The following FASTKD2 variants were observed in gnomAD, a reference collection of about 807,000 sequenced individuals.
FASTKD2 encodes FAST kinase domain-containing protein 2, mitochondrial.
A neutral mutation model predicts 63.6 loss-of-function variants in FASTKD2; 51 were observed. The observed-to-expected ratio is 0.80, with a 90% confidence interval of 0.64 to 1.01. FASTKD2 has a LOEUF of 1.01. Ranked by LOEUF, FASTKD2 falls within the 50% of genes least tolerant of loss-of-function variation. FASTKD2 has a pLI of 0.00. For synonymous variants in FASTKD2, 284 were observed against 293.4 expected (o/e 0.97, Z 0.33); for missense variants, 786 against 831.1 (o/e 0.95, Z 0.67).
At chr2:206,783,879 A>C (rs746817308) in intron 7 of FASTKD2, among the ~76,000 whole-genome samples, 5 of 152,196 alleles carry the variant, frequency 3.3e-5, no homozygotes, top group Non-Finnish European at 5.9e-5. Context: ...GATGGTTTTT[A>C]GTTGCCACAA....
chr2:206,786,995 T>A, intron 8 of FASTKD2, 96 bp downstream of exon 8: 1 of 803,008 alleles, frequency 1.2e-6, no homozygotes, highest in Non-Finnish European at 2.1e-6. Flanking sequence ...GTTGGAGCAG[T>A]GTTAGTTGAA....
At chr2:206,787,809 A>G in intron 8 of FASTKD2, 128 bp from the exon 9 acceptor site, 1 of 403,374 alleles carries the variant, frequency 2.5e-6, no homozygotes. Flanking sequence ...GAAAGAGATA[A>G]TTAGAAATAC....
Position 206,795,099 on chromosome 2 carries a change from C to G in FASTKD2, c.*3297C>G, listed in dbSNP as rs1219321533. 1.3e-5 allele frequency among the ~76,000 whole-genome samples: 2 copies of G among 152,210 alleles called. No homozygotes were observed. Among genetic ancestry groups the G allele is most frequent in the African/African-American group, 2.4e-5 (1 of 41,458 alleles). Reference sequence around the variant, plus strand: ...GCCAGGCAGCAAAGGACAGATCTCTCTCATACTCTTCATTCACAGGGCCTG... The same window carrying G: ...GCCAGGCAGCAAAGGACAGATCTCTGTCATACTCTTCATTCACAGGGCCTG... On this transcript the variant is annotated 3_prime_UTR_variant, in exon 12 of 12. Coordinates refer to ENST00000402774, the MANE Select transcript of FASTKD2 (RefSeq NM_001136193.2).
At position 206,766,323 on chromosome 2, in the gene FASTKD2, C is replaced by A. The variant is rs543583283; in HGVS notation, c.-50-321C>A. Among the ~76,000 whole-genome samples the A allele has an allele frequency of 2.3e-3, 352 of 149,976 alleles. 2 individuals are homozygous for A. The highest frequency in any genetic ancestry group is 8.2e-3 in the African/African-American group (332 of 40,714). On this transcript the variant is annotated intron_variant, in intron 1 of 11. Coordinates refer to ENST00000402774, the MANE Select transcript of FASTKD2 (RefSeq NM_001136193.2). ...AAGAAAATGATCTATCAATGCTAATCCCCTAATTTTCACCGAGGACATTTC... is the reference window on the plus strand; with the variant it reads ...AAGAAAATGATCTATCAATGCTAATACCCTAATTTTCACCGAGGACATTTC...
At chr2:206,765,905 C>T (rs989134802) in intron 1 of FASTKD2, 158 bp downstream of exon 1, 1 of 152,220 alleles carries the variant, frequency 6.6e-6, no homozygotes, top group Non-Finnish European at 1.5e-5. Flanking sequence ...TCTGCTTCTT[C>T]CACTGAGCCG....
At position 206,793,252 on chromosome 2, in the gene FASTKD2, T is replaced by A. The variant is rs201735381; in HGVS notation, c.*1450T>A. Among the ~76,000 whole-genome samples, 16,004 of 84,322 alleles carry A rather than the reference T, an allele frequency of 0.19. 1,179 individuals carry two copies. The highest frequency in any genetic ancestry group is 0.27 in the South Asian group (682 of 2,570). The allele number at this position is 84,322 out of a possible 152,430, so 55.3% of individuals were successfully genotyped here. A position where few individuals can be genotyped will look rare whatever the true frequency, so the allele number is the denominator to read the frequency against. The stretch of plus-strand genomic sequence containing the variant: ...AAAAAAAAAAAAAAAAAAAAAAAAA[T>A]ACAAAAACTATAGCAATATGACAAC... On this transcript the variant is annotated 3_prime_UTR_variant, in exon 12 of 12. Coordinates refer to ENST00000402774, the MANE Select transcript of FASTKD2 (RefSeq NM_001136193.2).
At chr2:206,790,446 A>C in intron 10 of FASTKD2, 126 bp from the exon 11 acceptor site, 2 of 717,104 alleles carry the variant, frequency 2.8e-6, no homozygotes, top group Non-Finnish European at 5.1e-6. Flanking sequence ...TGAAGGACTA[A>C]GACAGGAATA....
intron 10 of FASTKD2, chr2:206,789,292 C>G (rs779281575): frequency 2.7e-4 from 48 of 179,710 alleles, no homozygotes; most frequent in Admixed American, 6.2e-4. Flanking sequence ...ATATTTTGCT[C>G]TACCACCAAG....
In FASTKD2 at chr2:206,793,248, A is replaced by AAAAAAC. The variant is rs1259024642; in HGVS notation, c.*1449_*1450insAACAAA. Among the ~76,000 whole-genome samples the AAAAAAC allele has an allele frequency of 4.7e-3, 601 of 126,582 alleles. 1 individual carries two copies. Among genetic ancestry groups the AAAAAAC allele is most frequent in the Non-Finnish European group, 8.7e-3 (489 of 56,432 alleles). 83.0% of individuals were successfully genotyped at this position (126,582 alleles called of 152,430 possible). A position where few individuals can be genotyped will look rare whatever the true frequency, so the allele number is the denominator to read the frequency against. ...AAAAAAAAAAAAAAAAAAAAAAAAA[A>AAAAAAC]AAATACAAAAACTATAGCAATATGA... On this transcript the variant is annotated 3_prime_UTR_variant, in exon 12 of 12. Transcript: ENST00000402774.
rs1690419956 is a variant in FASTKD2 at position 206,795,377 on chromosome 2, G to C, written c.*3575G>C. Reference sequence around the variant, plus strand: ...GCCTCCCGAGTAGCTGGGACTACAGGTGCCCACCTCCATGCCCGGCTAATT... The same window carrying C: ...GCCTCCCGAGTAGCTGGGACTACAGCTGCCCACCTCCATGCCCGGCTAATT... On this transcript the variant is annotated 3_prime_UTR_variant, in exon 12 of 12. Coordinates refer to ENST00000402774, the MANE Select transcript of FASTKD2 (RefSeq NM_001136193.2). Among the ~76,000 whole-genome samples the C allele has an allele frequency of 6.6e-6, 1 of 152,188 alleles. No individual in the cohort carries two copies. The highest frequency in any genetic ancestry group is 2.1e-4 in the South Asian group (1 of 4,830).
intron 6 of FASTKD2, among the ~76,000 whole-genome samples, chr2:206,773,519 A>G (rs1487598815): frequency 6.6e-6 from 1 of 152,136 alleles, no homozygotes; most frequent in African/African-American, 2.4e-5. Flanking sequence ...TAAAATCAGG[A>G]GCTGTGTTAA....
At position 206,792,927 on chromosome 2, in the gene FASTKD2, G is replaced by C. The variant is rs1232205202; in HGVS notation, c.*1125G>C. ...AATGTGAGCTAACATAGGCTTATAA[G>C]AAAATACAAAAACTGGGCTGGGCAC... On this transcript the variant is annotated 3_prime_UTR_variant, in exon 12 of 12. Coordinates refer to ENST00000402774, the MANE Select transcript of FASTKD2 (RefSeq NM_001136193.2). Among the ~76,000 whole-genome samples the C allele has an allele frequency of 2.6e-5, 4 of 152,082 alleles. No individual in the cohort carries two copies. The highest frequency in any genetic ancestry group is 5.9e-5 in the Non-Finnish European group (4 of 67,998).
At position 206,795,279 on chromosome 2, in the gene FASTKD2, G is replaced by A. The variant is rs970899476; in HGVS notation, c.*3477G>A. ...GACGGAGTCGTGGTCTGTCGCCCAGGCTGGAGTGCTGTGGCGTGATCTCAG... is the reference window on the plus strand; with the variant it reads ...GACGGAGTCGTGGTCTGTCGCCCAGACTGGAGTGCTGTGGCGTGATCTCAG... On this transcript the variant is annotated 3_prime_UTR_variant, in exon 12 of 12. Transcript: ENST00000402774. Among the ~76,000 whole-genome samples the A allele has an allele frequency of 6.6e-6, 1 of 152,184 alleles. No homozygotes were observed. The highest frequency in any genetic ancestry group is 1.5e-5 in the Non-Finnish European group (1 of 68,036).
rs1236955227 is a variant in FASTKD2 at position 206,767,269 on chromosome 2, CA to C, written c.580del (p.Arg194AspfsTer13). Reference protein sequence around the residue: ...NYFTAMWTIAKRLSDDQKRFE... With the variant: ...NYFTAMWTIAXRLSDDQKRFE... ...ATTTCACAGCAATGTGGACAATTGC[CA>C]AAAGACTGTCTGATGACCAGAAGCG... On this transcript the variant is annotated frameshift_variant, in exon 2 of 12. Coordinates refer to ENST00000402774, the MANE Select transcript of FASTKD2 (RefSeq NM_001136193.2). LOFTEE classifies it high-confidence loss of function. The C allele has an allele frequency of 1.4e-5, 23 of 1,614,182 alleles. No homozygotes were observed. Among genetic ancestry groups the C allele is most frequent in the Non-Finnish European group, 1.9e-5 (22 of 1,180,022 alleles).
At chr2:206,777,606 T>A (rs1345300766) in intron 7 of FASTKD2, among the ~76,000 whole-genome samples, 1 of 152,196 alleles carries the variant, frequency 6.6e-6, no homozygotes, top group Admixed American at 6.5e-5. Context: ...GATATTGGCC[T>A]GTAGCTTTCT....
intron 7 of FASTKD2, among the ~76,000 whole-genome samples, chr2:206,780,123 T>TA (rs1460348731): frequency 2.0e-5 from 3 of 152,230 alleles, no homozygotes; most frequent in Non-Finnish European, 4.4e-5. Flanking sequence ...ATAGTTTTTT[T>TA]AACATTTATA....
chr2:206,795,098 T>G lies in FASTKD2; in HGVS notation c.*3296T>G, dbSNP rs73985724. Among the ~76,000 whole-genome samples the G allele has an allele frequency of 9.3e-4, 142 of 152,308 alleles. 1 individual carries two copies. The highest frequency in any genetic ancestry group is 3.2e-3 in the African/African-American group (135 of 41,562). ...AGCCAGGCAGCAAAGGACAGATCTC[T>G]CTCATACTCTTCATTCACAGGGCCT... On this transcript the variant is annotated 3_prime_UTR_variant, in exon 12 of 12. Coordinates refer to ENST00000402774, the MANE Select transcript of FASTKD2 (RefSeq NM_001136193.2).
intron 4 of FASTKD2, 88 bp from the exon 5 acceptor site, chr2:206,771,806 C>G: frequency 1.8e-6 from 2 of 1,088,640 alleles, no homozygotes; most frequent in Non-Finnish European, 2.7e-6. Flanking sequence ...ACCTGGGTGA[C>G]AGCACAAGAC....
chr2:206,769,858 G>A (rs1490316247), intron 2 of FASTKD2, among the ~76,000 whole-genome samples: 1 of 152,236 alleles, frequency 6.6e-6, no homozygotes, highest in Non-Finnish European at 1.5e-5. Flanking sequence ...AGTGATAATG[G>A]TGAAGGTAAA....
Sources: gnomAD v4.1 joint callset for allele counts (sites outside exome capture counted in the v4.1 genomes callset) on GRCh38, gnomAD v4.1.1 for gene constraint, MANE v1.5 for transcripts, NCBI Gene and HGNC (gene_info 2026-07-23, HGNC 2026-07-21) for gene names.